ADGRD1: variants seen among roughly 807,000 people sequenced by gnomAD.
The protein encoded by ADGRD1 is adhesion G protein-coupled receptor D1, also known as G-protein coupled receptor 133.
ADGRD1 carries 77 observed loss-of-function variants against 113.4 expected under a neutral mutation model. The observed-to-expected ratio is 0.68, with a 90% confidence interval of 0.57 to 0.82. The LOEUF is 0.82. Ranked by LOEUF, ADGRD1 falls within the 40% of genes least tolerant of loss-of-function variation. The pLI, the probability that ADGRD1 is intolerant of heterozygous loss-of-function variation, is 0.00. For synonymous variants in ADGRD1, 474 were observed against 475.0 expected (o/e 1.00, Z 0.03); for missense variants, 1,036 against 1,139.1 (o/e 0.91, Z 1.30).
Position 131,120,996 on chromosome 12 carries a change from G to A in ADGRD1, c.2175+83G>A, listed in dbSNP as rs1950579279. ...GTGTGGGGCTCTGGAGATGGCGGGG[G>A]GCTCCCTGAGGAGCTTCCGAAGGAT... On this transcript the variant is annotated intron_variant, in intron 20 of 24. Transcript: ENST00000261654. 2.4e-6 allele frequency: 3 copies of A among 1,237,470 alleles called. No individual in the cohort carries two copies. The Admixed American group carries it at 6.0e-5, about 25-fold the overall frequency. The allele number at this position is 1,237,470 out of a possible 1,614,324, so 76.7% of individuals were successfully genotyped here. A position where few individuals can be genotyped will look rare whatever the true frequency, so the allele number is the denominator to read the frequency against.
chr12:131,042,286 T>C (rs1353648402), intron 13 of ADGRD1, among the ~76,000 whole-genome samples: 2 of 152,188 alleles, frequency 1.3e-5, no homozygotes, highest in Non-Finnish European at 1.5e-5. Context: ...GAGCCCTTGG[T>C]TGGCATCATC....
At chr12:131,035,881 C>T (rs1881318789) in intron 13 of ADGRD1, among the ~76,000 whole-genome samples, 1 of 152,128 alleles carries the variant, frequency 6.6e-6, no homozygotes, top group Admixed American at 6.5e-5. Flanking sequence ...ATGTTATTCT[C>T]CTAGTTAATT....
rs1482006278 is a variant in ADGRD1, at chr12:130,966,560, T to C, written c.187+14T>C. 6.4e-7 allele frequency: 1 copy of C among 1,558,652 alleles called. No individual in the cohort carries two copies. Among genetic ancestry groups the C allele is most frequent in the South Asian group, 1.1e-5 (1 of 89,990 alleles). ...ATACAACTGGAGGTAGAGACGCGGG[T>C]GCTGAGAGCGGCTGTGGGCGCGGGA... is the stretch of plus-strand genomic sequence containing the variant. On this transcript the variant is annotated intron_variant, in intron 3 of 24. Transcript: ENST00000261654. This position sits in a 1 kb window ranked among gnomAD's most constrained non-coding sequence, Gnocchi z 4.6.
chr12:130,963,337 AAAAAAG>A (rs1177213751), intron 2 of ADGRD1, among the ~76,000 whole-genome samples: 9 of 150,616 alleles, frequency 6.0e-5, no homozygotes, highest in East Asian at 5.8e-4. Context: ...AAAAAAAAAA[AAAAAAG>A]AAAGAAAAAT....
intron 20 of ADGRD1, among the ~76,000 whole-genome samples, chr12:131,127,750 G>T (rs1168926078): frequency 7.8e-5 from 11 of 140,804 alleles, no homozygotes; most frequent in Admixed American, 4.1e-4. Context: ...GGTTGTGGTG[G>T]GATTCTGAGC....
At chr12:131,001,702 G>C (rs191178052) in intron 9 of ADGRD1, among the ~76,000 whole-genome samples, 121 of 152,258 alleles carry the variant, frequency 7.9e-4, no homozygotes, top group African/African-American at 2.8e-3. Context: ...AGGGATCCTG[G>C]CTCCATCTGT....
At chr12:131,052,641 T>C (rs1883508654) in intron 13 of ADGRD1, among the ~76,000 whole-genome samples, 1 of 33,900 alleles carries the variant, frequency 2.9e-5, no homozygotes, top group Non-Finnish European at 9.0e-5. Flanking sequence ...GAGTGGTCTT[T>C]GTGGGGGAGG....
intron 8 of ADGRD1, among the ~76,000 whole-genome samples, chr12:130,992,808 T>C (rs1246965983): frequency 6.6e-6 from 1 of 152,260 alleles, no homozygotes; most frequent in African/African-American, 2.4e-5. Context: ...CCCAAAGCTA[T>C]CTAAACACTT....
Position 131,096,993 on chromosome 12 carries a change from C to T in ADGRD1, c.1672-7838C>T, listed in dbSNP as rs912394778. Among the ~76,000 whole-genome samples, 17 of 152,180 alleles carry T rather than the reference C, an allele frequency of 1.1e-4. No homozygotes were observed. Among genetic ancestry groups the T allele is most frequent in the Non-Finnish European group, 1.8e-4 (12 of 68,034 alleles). On this transcript the variant is annotated intron_variant, in intron 15 of 24. Transcript: ENST00000261654. The surrounding 1 kb of genome is among the most constrained non-coding windows in gnomAD (Gnocchi z 5.2). ...CACGTGGCTTTTTGGGCAGTGGCCA[C>T]GCCTCTGCTGTGGCTGCAGCCCTGC...
In ADGRD1 at chr12:130,987,098, C is replaced by T. The variant is rs897324589; in HGVS notation, c.494C>T (p.Pro165Leu). The stretch of plus-strand genomic sequence containing the variant: ...GGCGATCTTCACTCTTTTCCAGGCC[C>T]CTATTGGACTCATGTCCTATTTACA... ...TWEASFSPPGPYWTHVLFTWK... is the reference protein window; with the variant it reads ...TWEASFSPPGLYWTHVLFTWK... Residue 165 changes from proline to leucine, a missense_variant, in exon 6 of 25, where the codon CCC becomes CTC. Pro to Leu is a moderately conservative substitution (Grantham distance 98, BLOSUM62 -3). Transcript: ENST00000261654. 6 of 1,613,610 alleles carry T rather than the reference C, an allele frequency of 3.7e-6. No homozygotes were observed. The East Asian group carries it at 1.1e-4, about 30-fold the overall frequency.
rs1951191748 is a variant in ADGRD1 at position 131,139,419 on chromosome 12, G to A, written c.*156G>A. 1.6e-6 allele frequency: 1 copy of A among 621,128 alleles called. No individual in the cohort carries two copies. The highest frequency in any genetic ancestry group is 2.8e-5 in the East Asian group (1 of 35,372). 38.5% of individuals were successfully genotyped at this position (621,128 alleles called of 1,614,324 possible). ...GCTGTCCTCCCCTGTGACTCTGGCTGTCGGAGCACACTGCTCAGCCCAGCA... is the reference window on the plus strand; with the variant it reads ...GCTGTCCTCCCCTGTGACTCTGGCTATCGGAGCACACTGCTCAGCCCAGCA... On this transcript the variant is annotated 3_prime_UTR_variant, in exon 25 of 25. Transcript: ENST00000261654.
In ADGRD1 at chr12:131,113,710, G is replaced by A. The variant is rs908321806; in HGVS notation, c.2042-4675G>A. ...TGCAGGGAGCTCCCCGAGTCACCAC[G>A]GACGTCCTCCGTCCTGCCTCACTGC... On this transcript the variant is annotated intron_variant, in intron 18 of 24. Coordinates refer to ENST00000261654, the MANE Select transcript of ADGRD1 (RefSeq NM_198827.5). The surrounding 1 kb of genome is among the most constrained non-coding windows in gnomAD (Gnocchi z 4.9). 4.6e-5 allele frequency among the ~76,000 whole-genome samples: 7 copies of A among 152,104 alleles called. No homozygotes were observed. The highest frequency in any genetic ancestry group is 1.0e-4 in the Non-Finnish European group (7 of 68,016).
At chr12:131,035,877 T>C (rs1881317561) in intron 13 of ADGRD1, among the ~76,000 whole-genome samples, 1 of 152,228 alleles carries the variant, frequency 6.6e-6, no homozygotes, top group African/African-American at 2.4e-5. Flanking sequence ...AAAAATGTTA[T>C]TCTCCTAGTT....
chr12:131,138,698 C>T (rs540986381), intron 24 of ADGRD1, among the ~76,000 whole-genome samples: 28 of 152,164 alleles, frequency 1.8e-4, no homozygotes, highest in Non-Finnish European at 2.8e-4. Flanking sequence ...TCTCGCACTC[C>T]GCCCCCGCCC....
At chr12:131,098,471 G>C (rs1251655431) in intron 15 of ADGRD1, among the ~76,000 whole-genome samples, 1 of 152,208 alleles carries the variant, frequency 6.6e-6, no homozygotes, top group Non-Finnish European at 1.5e-5. Flanking sequence ...GGACATGGTA[G>C]AGGATGGGGC....
chr12:130,966,264 T>G lies in ADGRD1; in HGVS notation c.104-199T>G, dbSNP rs951594165. On this transcript the variant is annotated intron_variant, in intron 2 of 24. Coordinates refer to ENST00000261654, the MANE Select transcript of ADGRD1 (RefSeq NM_198827.5). This position sits in a 1 kb window ranked among gnomAD's most constrained non-coding sequence, Gnocchi z 4.6. The stretch of plus-strand genomic sequence containing the variant: ...ACCCTGTTTTGTCCAGTTAAGGAAC[T>G]ATTTACCAACTTCTAATTTAAGAGT... 6.6e-6 allele frequency among the ~76,000 whole-genome samples: 1 copy of G among 152,210 alleles called. No individual in the cohort carries two copies. The highest frequency in any genetic ancestry group is 1.9e-4 in the East Asian group (1 of 5,204).
chr12:131,046,596 TCCTCCCTGGTCAGTGCCC>T (rs1300424496), intron 13 of ADGRD1, among the ~76,000 whole-genome samples: 1 of 103,248 alleles, frequency 9.7e-6, no homozygotes, highest in Admixed American at 1.0e-4. Flanking sequence ...CTGGTCAGTG[TCCTCCCTGGTCAGTGCCC>T]CCTCCCTGGG....
intron 18 of ADGRD1, among the ~76,000 whole-genome samples, chr12:131,116,937 T>G (rs1305818825): frequency 6.6e-6 from 1 of 152,236 alleles, no homozygotes; most frequent in Non-Finnish European, 1.5e-5. Context: ...CAGGATCTGT[T>G]TCAAAGCTCA....
At chr12:131,138,938 C>T (rs1466737330) in intron 24 of ADGRD1, among the ~76,000 whole-genome samples, 1 of 152,176 alleles carries the variant, frequency 6.6e-6, no homozygotes, top group Non-Finnish European at 1.5e-5. Flanking sequence ...CACAGCACGC[C>T]TGCAGTGCCC....
Sources: gnomAD v4.1 joint callset for allele counts (sites outside exome capture counted in the v4.1 genomes callset) on GRCh38, gnomAD v4.1.1 for gene constraint, Gnocchi (gnomAD v3.1) non-coding constraint, MANE v1.5 for transcripts, NCBI Gene and HGNC (gene_info 2026-07-23, HGNC 2026-07-21) for gene names.